Variants in POU6F2 observed in about 807,000 individuals in gnomAD.
The protein encoded by POU6F2 is POU domain, class 6, transcription factor 2.
In POU6F2, 31 loss-of-function variants were observed where a neutral mutation model predicts 71.3. The observed-to-expected ratio is 0.43, with a 90% CI of 0.33 to 0.59. POU6F2 has a LOEUF of 0.59. Ranked by LOEUF, POU6F2 falls within the 20% of genes least tolerant of loss-of-function variation. The pLI is 0.04. For missense variants in POU6F2, 783 were observed against 856.8 expected (o/e 0.91, Z 1.07); for synonymous variants, 347 against 355.7 (o/e 0.98, Z 0.27).
intron 2 of POU6F2, among the ~76,000 whole-genome samples, chr7:39,130,447 A>G (rs1792246398): frequency 6.6e-6 from 1 of 152,196 alleles, no homozygotes; most frequent in African/African-American, 2.4e-5. Flanking sequence ...TCATAGCTGC[A>G]AAAAATTCAC....
At chr7:39,243,178 A>G (rs1420874956) in intron 4 of POU6F2, among the ~76,000 whole-genome samples, 1 of 152,216 alleles carries the variant, frequency 6.6e-6, no homozygotes, top group Non-Finnish European at 1.5e-5. Context: ...TTGAACAATA[A>G]TAAAATGGCA....
At chr7:39,401,239 C>A (rs890843892) in intron 5 of POU6F2, among the ~76,000 whole-genome samples, 2 of 152,162 alleles carry the variant, frequency 1.3e-5, no homozygotes, top group African/African-American at 4.8e-5. Context: ...CCCCAAAAAT[C>A]TCTCAGCAGT....
At chr7:39,418,715 A>G in intron 6 of POU6F2, among the ~76,000 whole-genome samples, 1 of 151,026 alleles carries the variant, frequency 6.6e-6, no homozygotes, top group East Asian at 1.9e-4. Context: ...AAAAGAAAGA[A>G]AAGTTAACCA....
At chr7:38,992,801 CT>C (rs1562657986) in intron 1 of POU6F2, among the ~76,000 whole-genome samples, 1 of 152,108 alleles carries the variant, frequency 6.6e-6, no homozygotes, top group Non-Finnish European at 1.5e-5. Context: ...TTACTATTCA[CT>C]TTAGCAATGT....
chr7:39,176,628 A>G (rs895322580), intron 2 of POU6F2, among the ~76,000 whole-genome samples: 3 of 152,182 alleles, frequency 2.0e-5, no homozygotes, highest in African/African-American at 7.2e-5. Context: ...TAACTTTTAC[A>G]TCATGGCCTT....
intron 1 of POU6F2, among the ~76,000 whole-genome samples, chr7:39,041,124 G>A (rs1440398594): frequency 2.0e-5 from 3 of 151,916 alleles, no homozygotes; most frequent in Non-Finnish European, 4.4e-5. Context: ...GTTTTATTCA[G>A]CAGCTTGCTT....
At chr7:39,305,801 A>G (rs1349009064) in intron 4 of POU6F2, among the ~76,000 whole-genome samples, 1 of 152,242 alleles carries the variant, frequency 6.6e-6, no homozygotes, top group African/African-American at 2.4e-5. Context: ...ATGTGCAGAG[A>G]ACATCCTGAA....
intron 4 of POU6F2, among the ~76,000 whole-genome samples, chr7:39,266,748 G>A (rs1393052491): frequency 2.8e-5 from 3 of 106,530 alleles, no homozygotes; most frequent in Admixed American, 1.1e-4. Flanking sequence ...ATATTTATGG[G>A]GTACAATTTA....
At chr7:39,232,417 A>G (rs1269326773) in intron 4 of POU6F2, among the ~76,000 whole-genome samples, 1 of 152,220 alleles carries the variant, frequency 6.6e-6, no homozygotes, top group Non-Finnish European at 1.5e-5. Context: ...AAAGTTATCA[A>G]CTAGAAAGAC....
intron 2 of POU6F2, among the ~76,000 whole-genome samples, chr7:39,201,853 GC>G (rs1322878920): frequency 6.6e-6 from 1 of 152,132 alleles, no homozygotes; most frequent in African/African-American, 2.4e-5. Context: ...CTCTGAGAAG[GC>G]CCCTGATTCC....
chr7:39,456,027 C>T (rs924207111), intron 8 of POU6F2, among the ~76,000 whole-genome samples: 1 of 152,126 alleles, frequency 6.6e-6, no homozygotes, highest in Non-Finnish European at 1.5e-5. Context: ...CAGGGTGGAC[C>T]CTGGCCATCA....
At chr7:39,311,719 A>C (rs1200678209) in intron 4 of POU6F2, among the ~76,000 whole-genome samples, 1 of 152,250 alleles carries the variant, frequency 6.6e-6, no homozygotes, top group Non-Finnish European at 1.5e-5. Flanking sequence ...ATAAAGCCAC[A>C]GGCGAAGGCT....
intron 1 of POU6F2, among the ~76,000 whole-genome samples, chr7:39,049,135 T>C (rs1469996350): frequency 6.6e-6 from 1 of 151,986 alleles, no homozygotes; most frequent in Non-Finnish European, 1.5e-5. Context: ...TTTGTTGATC[T>C]TTTTAAATAA....
At position 39,349,779 on chromosome 7, in the gene POU6F2, G is replaced by A. The variant is rs116603197; in HGVS notation, c.972+9764G>A. Reference sequence around the variant, plus strand: ...ATCACTGGTGTTTTCTTTCTCTTTTGTCTTCCACTGTTGAGAACTAAATTG... The same window carrying A: ...ATCACTGGTGTTTTCTTTCTCTTTTATCTTCCACTGTTGAGAACTAAATTG... On this transcript the variant is annotated intron_variant, in intron 5 of 9. Transcript: ENST00000518318. Among the ~76,000 whole-genome samples the A allele has an allele frequency of 7.1e-3, 1,082 of 152,206 alleles. 5 individuals carry two copies. The highest frequency in any genetic ancestry group is 0.025 in the African/African-American group (1,044 of 41,522).
intron 2 of POU6F2, among the ~76,000 whole-genome samples, chr7:39,179,569 T>C (rs537817130): frequency 7.0e-4 from 107 of 152,196 alleles, no homozygotes; most frequent in African/African-American, 2.2e-3. Flanking sequence ...TCTACAGAAC[T>C]GATCTTTGAT....
At position 39,101,545 on chromosome 7, in the gene POU6F2, A is replaced by T. The variant is rs558125859; in HGVS notation, c.277+15514A>T. On this transcript the variant is annotated intron_variant, in intron 2 of 9. Transcript: ENST00000518318. Reference sequence around the variant, plus strand: ...CCTTGAAATTTTTACGGTCTTTGACATCCCTGAGAATTTGCAGGTTGTGGG... The same window carrying T: ...CCTTGAAATTTTTACGGTCTTTGACTTCCCTGAGAATTTGCAGGTTGTGGG... Among the ~76,000 whole-genome samples, 40 of 151,506 alleles carry T rather than the reference A, an allele frequency of 2.6e-4. 1 individual carries two copies. In the South Asian group the frequency reaches 7.6e-3, roughly 29 times the overall value.
chr7:39,337,627 C>G (rs1363948582), intron 4 of POU6F2, among the ~76,000 whole-genome samples: 1 of 152,182 alleles, frequency 6.6e-6, no homozygotes, highest in African/African-American at 2.4e-5. Flanking sequence ...CTTCGATGCA[C>G]TATATTTTCA....
At chr7:39,395,156 A>G (rs916676721) in intron 5 of POU6F2, among the ~76,000 whole-genome samples, 2 of 152,112 alleles carry the variant, frequency 1.3e-5, no homozygotes, top group Non-Finnish European at 2.9e-5. Context: ...TCCCTCCATC[A>G]TTGCCTATGA....
At chr7:39,298,610 A>T (rs1784896263) in intron 4 of POU6F2, among the ~76,000 whole-genome samples, 1 of 152,198 alleles carries the variant, frequency 6.6e-6, no homozygotes, top group South Asian at 2.1e-4. Flanking sequence ...TTCCTCAAGG[A>T]TCTAGAACCA....
Sources: gnomAD v4.1 joint callset for allele counts (sites outside exome capture counted in the v4.1 genomes callset) on GRCh38, gnomAD v4.1.1 for gene constraint, MANE v1.5 for transcripts, NCBI Gene and HGNC (gene_info 2026-07-23, HGNC 2026-07-21) for gene names.